TRMT11: variants seen among roughly 807,000 people sequenced by gnomAD.
TRMT11 encodes tRNA methyltransferase 11, also known as tRNA (guanine(10)-N(2))-methyltransferase TRMT11.
TRMT11 carries 53 observed loss-of-function variants against 62.8 expected under a neutral mutation model. The observed-to-expected ratio is 0.84, with a 90% CI of 0.68 to 1.06. TRMT11 has a LOEUF of 1.06. Among genes scored for constraint, TRMT11 ranks in the 50% least tolerant of loss-of-function variants. The pLI is 0.00. For synonymous variants in TRMT11, 188 were observed against 190.3 expected (o/e 0.99, Z 0.10); for missense variants, 556 against 553.4 (o/e 1.00, Z -0.05).
At chr6:126,043,362 G>T (rs1157180313), downstream of TRMT11, among the ~76,000 whole-genome samples, 3 of 151,378 alleles carry the variant, frequency 2.0e-5, no homozygotes, top group Admixed American at 2.0e-4. Flanking sequence ...TTTCATCCAT[G>T]TCCCTACAAA....
At chr6:126,042,961 C>T (rs1388353339), downstream of TRMT11, among the ~76,000 whole-genome samples, 1 of 152,022 alleles carries the variant, frequency 6.6e-6, no homozygotes, top group Non-Finnish European at 1.5e-5. Flanking sequence ...GTGTATAAAT[C>T]TTGGAGTATC....
At chr6:126,159,426 T>C (rs961369611) in intron 21 of TRMT11, among the ~76,000 whole-genome samples, 3 of 152,162 alleles carry the variant, frequency 2.0e-5, no homozygotes, top group East Asian at 1.9e-4. Flanking sequence ...TAAAACTTTA[T>C]TTACAAAAAG....
At chr6:126,223,954 A>G in the TRMT11 span, among the ~76,000 whole-genome samples, 1 of 152,202 alleles carries the variant, frequency 6.6e-6, no homozygotes, top group Non-Finnish European at 1.5e-5. Flanking sequence ...TTCTGATTGT[A>G]TTATGAAATT....
At chr6:126,267,028 A>C in the TRMT11 span, among the ~76,000 whole-genome samples, 241 of 152,306 alleles carry the variant, frequency 1.6e-3, 2 homozygotes, top group Non-Finnish European at 2.7e-3. Context: ...TTATTATGAC[A>C]AAATTTTATT....
rs1562321346 is a variant in TRMT11, at chr6:126,093,608, TA to T, written c.*1438-19257del. ...ATGTATATATATATATATATATATA[TA>T]TATATATATATATATATATATATTT... On this transcript the variant is annotated intron_variant and NMD_transcript_variant, in intron 17 of 22. Coordinates refer to the TRMT11 transcript ENST00000648977. 6.4e-4 allele frequency among the ~76,000 whole-genome samples: 65 copies of T among 100,968 alleles called. 4 individuals are homozygous for T. Among genetic ancestry groups the T allele is most frequent in the African/African-American group, 2.1e-3 (40 of 18,758 alleles). 66.2% of individuals were successfully genotyped at this position (100,968 alleles called of 152,430 possible).
At chr6:126,109,867 G>A (rs888691802) in intron 17 of TRMT11, among the ~76,000 whole-genome samples, 1 of 152,128 alleles carries the variant, frequency 6.6e-6, no homozygotes, top group Non-Finnish European at 1.5e-5. Context: ...CAGGAACTTG[G>A]TACTCTAACT....
chr6:126,165,126 A>G (rs1380901847), intron 21 of TRMT11, among the ~76,000 whole-genome samples: 1 of 152,092 alleles, frequency 6.6e-6, no homozygotes, highest in Non-Finnish European at 1.5e-5. Flanking sequence ...AAAATAAAGA[A>G]AATTAGCTGG....
chr6:126,013,299 C>T (rs1169989426), intron 11 of TRMT11, among the ~76,000 whole-genome samples, 198 bp downstream of exon 11: 1 of 151,944 alleles, frequency 6.6e-6, no homozygotes, highest in African/African-American at 2.4e-5. Context: ...CTCTGTCACC[C>T]AGGCTGGAGT....
At chr6:126,144,216 A>G (rs998643905) in intron 21 of TRMT11, among the ~76,000 whole-genome samples, 2 of 152,046 alleles carry the variant, frequency 1.3e-5, no homozygotes. Context: ...AGCTTTAAAC[A>G]TTGTTGTGGT....
the TRMT11 span, among the ~76,000 whole-genome samples, chr6:126,228,186 A>G: frequency 3.9e-5 from 6 of 152,318 alleles, no homozygotes; most frequent in African/African-American, 1.4e-4. Flanking sequence ...AAAACAATGT[A>G]TGTGTCTGCT....
the TRMT11 span, chr6:126,257,998 G>A: frequency 1.3e-6 from 2 of 1,537,764 alleles, no homozygotes; most frequent in South Asian, 2.2e-5. Context: ...GCCTCGGTGG[G>A]TTTGTAACAG....
rs1778627491 is a variant in TRMT11 at position 126,193,488 on chromosome 6, G to GTTTTTTTTTTTTTTTTTTTTT, written n.144-5310_144-5309insTTTTTTTTTTTTTTTTTTTTT. ...TAGGTTATTTAAGAGGAGCGTTTCT[G>GTTTTTTTTTTTTTTTTTTTTT]TATTTTTTTTTTTTTTTTTTTTTTT... On this transcript the variant is annotated intron_variant and non_coding_transcript_variant, in intron 1 of 3. Coordinates refer to the TRMT11 transcript ENST00000444229. 2.8e-4 allele frequency among the ~76,000 whole-genome samples: 33 copies of GTTTTTTTTTTTTTTTTTTTTT among 118,118 alleles called. 3 individuals are homozygous for GTTTTTTTTTTTTTTTTTTTTT. The highest frequency in any genetic ancestry group is 1.2e-3 in the African/African-American group (32 of 26,886). 77.5% of individuals were successfully genotyped at this position (118,118 alleles called of 152,430 possible).
chr6:126,139,801 A>T (rs986067921), intron 21 of TRMT11, among the ~76,000 whole-genome samples: 2 of 152,074 alleles, frequency 1.3e-5, no homozygotes, highest in African/African-American at 2.4e-5. Context: ...TAAACTTTCT[A>T]ATGTGAACTC....
At chr6:126,078,911 T>C (rs1037999554) in intron 17 of TRMT11, among the ~76,000 whole-genome samples, 1 of 152,226 alleles carries the variant, frequency 6.6e-6, no homozygotes, top group African/African-American at 2.4e-5. Flanking sequence ...TTCTGCGTGT[T>C]CTGCATTGTG....
At chr6:126,239,346 C>T in the TRMT11 span, among the ~76,000 whole-genome samples, 3,356 of 152,072 alleles carry the variant, frequency 0.022, 135 homozygotes, top group African/African-American at 0.077. Flanking sequence ...TGGCTGGTAC[C>T]GGTTGTTCCT....
chr6:126,028,283 TC>T (rs1206010056), intron 12 of TRMT11, among the ~76,000 whole-genome samples: 2 of 152,144 alleles, frequency 1.3e-5, no homozygotes, highest in African/African-American at 4.8e-5. Context: ...GGTAATAACC[TC>T]ATTTATTGGT....
At position 125,986,571 on chromosome 6, in the gene TRMT11, T is replaced by G; in HGVS notation, c.21T>G (p.Leu7=). The part of the protein sequence containing the change: MALSCT[L]NRYLLLMAQE... ...CTGCAATGGCGCTGTCGTGTACCCT[T>G]AACAGGTATCTGCTCCTCATGGCGC... The change falls in exon 1 of 13, where the codon CTT becomes CTG. Residue 7 remains leucine (L), a synonymous_variant. Transcript: ENST00000334379. 6.3e-7 allele frequency: 1 copy of G among 1,592,238 alleles called. No individual in the cohort carries two copies. The highest frequency in any genetic ancestry group is 8.5e-7 in the Non-Finnish European group (1 of 1,171,536).
intron 17 of TRMT11, among the ~76,000 whole-genome samples, chr6:126,083,799 A>AG (rs1777185885): frequency 6.6e-6 from 1 of 152,096 alleles, no homozygotes; most frequent in Non-Finnish European, 1.5e-5. Context: ...TCACTGGTAA[A>AG]CACTATTTTG....
chr6:126,259,537 TTA>T, the TRMT11 span, among the ~76,000 whole-genome samples: 2 of 152,198 alleles, frequency 1.3e-5, no homozygotes, highest in African/African-American at 2.4e-5. Context: ...TTGATGGGTA[TTA>T]TGTTGATGGC....
Sources: gnomAD v4.1 joint callset for allele counts (sites outside exome capture counted in the v4.1 genomes callset) on GRCh38, gnomAD v4.1.1 for gene constraint, MANE v1.5 for transcripts, NCBI Gene and HGNC (gene_info 2026-07-23, HGNC 2026-07-21) for gene names.